The following C11orf65 variants were observed in gnomAD, a reference collection of about 807,000 sequenced individuals.
C11orf65 encodes the protein protein MFI.
In C11orf65, 38 loss-of-function variants were observed where a neutral mutation model predicts 35.3. The ratio of observed to expected loss-of-function variants is 1.08; its 90% CI spans 0.83 to 1.41. The LOEUF (loss-of-function observed/expected upper bound fraction) is 1.41, where lower values mean the gene tolerates loss of function less well. Ranked by LOEUF, C11orf65 falls within the 40% of genes most tolerant of loss-of-function variation. The pLI is 0.00. For missense variants in C11orf65, 370 were observed against 367.1 expected (o/e 1.01, Z -0.06); for synonymous variants, 105 against 114.4 (o/e 0.92, Z 0.53).
chr11:108,457,190 T>C (rs796085791), intron 2 of C11orf65, among the ~76,000 whole-genome samples: 7 of 152,108 alleles, frequency 4.6e-5, no homozygotes, highest in African/African-American at 1.7e-4. Context: ...ATGATGATAC[T>C]GGGAGGGGAG....
chr11:108,453,158 GA>G (rs1475459872), intron 2 of C11orf65, among the ~76,000 whole-genome samples: 1 of 130,806 alleles, frequency 7.6e-6, no homozygotes, highest in Non-Finnish European at 1.7e-5. Flanking sequence ...AAAAAAAAAA[GA>G]AAAAAGAAAA....
At position 108,326,238 on chromosome 11, in the gene C11orf65, T is replaced by TA. The variant is rs1555120120; in HGVS notation, c.641-17168dup. ...CAGCTGTGCAGCGGTTTGTTTTTTTTATTGGCTGGATTAGTGTTTTACTGT... is the reference window on the plus strand; with the variant it reads ...CAGCTGTGCAGCGGTTTGTTTTTTTTAATTGGCTGGATTAGTGTTTTACTGT... On this transcript the variant is annotated intron_variant, in intron 6 of 6. Transcript: ENST00000525729. The TA allele has an allele frequency of 2.5e-6, 4 of 1,614,090 alleles. No individual in the cohort carries two copies. The highest frequency in any genetic ancestry group is 2.5e-6 in the Non-Finnish European group (3 of 1,180,006).
chr11:108,404,469 G>A (rs542323269), intron 6 of C11orf65, among the ~76,000 whole-genome samples: 16 of 152,180 alleles, frequency 1.1e-4, no homozygotes, highest in African/African-American at 3.6e-4. Flanking sequence ...GTGCAGTGGT[G>A]CGATCTCTGC....
At chr11:108,408,000 A>T (rs1338550862) in intron 3 of C11orf65, among the ~76,000 whole-genome samples, 992 of 43,260 alleles carry the variant, frequency 0.023, 9 homozygotes, top group African/African-American at 0.12. Context: ...ATTTCTTTTT[A>T]TTATTATTAT....
intron 2 of C11orf65, among the ~76,000 whole-genome samples, chr11:108,363,828 AG>A (rs2091056650): frequency 6.6e-6 from 1 of 152,158 alleles, no homozygotes; most frequent in South Asian, 2.1e-4. Context: ...TTGGTTTTGA[AG>A]TAATTTAGAT....
intron 1 of C11orf65, among the ~76,000 whole-genome samples, chr11:108,463,140 A>C (rs1327261158): frequency 6.6e-6 from 1 of 152,226 alleles, no homozygotes; most frequent in Non-Finnish European, 1.5e-5. Context: ...AATAATAAAA[A>C]TGTAAACTCT....
At chr11:108,459,906 A>G (rs2093452899) in intron 2 of C11orf65, among the ~76,000 whole-genome samples, 1 of 152,194 alleles carries the variant, frequency 6.6e-6, no homozygotes, top group Admixed American at 6.6e-5. Flanking sequence ...AAATAGCTGC[A>G]AACGATAGAA....
rs868064670 is a variant in C11orf65, at chr11:108,376,338, C to T, written c.226+16870G>A. ...CAGGATTAAGAATCTCACTCAAAAC[C>T]GCTCAACTACATGGAAACTGAACAA... On this transcript the variant is annotated intron_variant, in intron 2 of 3. Coordinates refer to the C11orf65 transcript ENST00000524755. 4.6e-5 allele frequency among the ~76,000 whole-genome samples: 7 copies of T among 152,198 alleles called. No homozygotes were observed. In the Middle Eastern group the frequency reaches 0.01, roughly 222 times the overall value.
intron 2 of C11orf65, chr11:108,366,073 A>G: frequency 5.4e-6 from 1 of 185,796 alleles, no homozygotes; most frequent in Non-Finnish European, 1.1e-5. Context: ...GATTTTTCCT[A>G]GTAAGATCAC....
intron 2 of C11orf65, among the ~76,000 whole-genome samples, chr11:108,358,892 G>A (rs969238917): frequency 5.3e-5 from 8 of 151,008 alleles, no homozygotes; most frequent in East Asian, 1.9e-4. Flanking sequence ...ATCAACTAAC[G>A]AACAAAATCA....
chr11:108,448,486 A>T (rs961007890), intron 2 of C11orf65, among the ~76,000 whole-genome samples: 3 of 152,224 alleles, frequency 2.0e-5, no homozygotes, highest in Non-Finnish European at 4.4e-5. Flanking sequence ...CAACATATGC[A>T]AATGAATAAA....
At chr11:108,389,682 T>C (rs908374871) in intron 7 of C11orf65, among the ~76,000 whole-genome samples, 7 of 152,210 alleles carry the variant, frequency 4.6e-5, no homozygotes, top group African/African-American at 1.4e-4. Context: ...TTTTTTGTTT[T>C]GCTCTGTTTT....
chr11:108,312,260 A>G (rs1423619190), intron 6 of C11orf65: 2 of 625,376 alleles, frequency 3.2e-6, no homozygotes, highest in Non-Finnish European at 5.8e-6. Context: ...CATCCTAGGT[A>G]TAAATGGTAT....
intron 2 of C11orf65, among the ~76,000 whole-genome samples, chr11:108,341,925 C>T (rs1043382103): frequency 1.3e-5 from 2 of 152,056 alleles, no homozygotes; most frequent in Non-Finnish European, 2.9e-5. Context: ...TCTGGTTAAC[C>T]GAGGTGAAGA....
At chr11:108,453,099 T>C (rs1255777141) in intron 2 of C11orf65, among the ~76,000 whole-genome samples, 1 of 65,100 alleles carries the variant, frequency 1.5e-5, no homozygotes, top group African/African-American at 5.9e-5. Flanking sequence ...TGTATACATT[T>C]GTAACAACCT....
intron 2 of C11orf65, among the ~76,000 whole-genome samples, chr11:108,437,707 TAAA>T (rs145337876): frequency 1.5e-3 from 57 of 38,028 alleles, no homozygotes; most frequent in African/African-American, 5.4e-3. Flanking sequence ...GACTCAGTCT[TAAA>T]AAAAAAAAAA....
intron 3 of C11orf65, among the ~76,000 whole-genome samples, chr11:108,414,576 T>C (rs1276473895): frequency 6.6e-6 from 1 of 152,038 alleles, no homozygotes. Flanking sequence ...ATTAAAACTT[T>C]TCAAAACAGA....
chr11:108,327,397 CATATAT>C, downstream of C11orf65: 1 of 437,502 alleles, frequency 2.3e-6, no homozygotes, highest in Non-Finnish European at 4.2e-6. Context: ...AAGTGTCTGA[CATATAT>C]AAGTACTCAA....
intron 2 of C11orf65, among the ~76,000 whole-genome samples, chr11:108,454,624 T>G (rs990881527): frequency 1.3e-5 from 2 of 152,092 alleles, no homozygotes. Flanking sequence ...TTTATTTATT[T>G]ATTTATTTAT....
Sources: allele counts gnomAD v4.1 joint callset (sites outside exome capture counted in the v4.1 genomes callset), GRCh38; gene constraint gnomAD v4.1.1; transcripts MANE v1.5; gene names NCBI Gene and HGNC (gene_info 2026-07-23, HGNC 2026-07-21).